The following GALK2 variants were observed in gnomAD, a reference collection of about 807,000 sequenced individuals.
GALK2 encodes the protein galactokinase 2.
Under a neutral mutation model 52.4 loss-of-function variants are expected in GALK2, and 36 were observed. The ratio of observed to expected loss-of-function variants is 0.69; its 90% CI spans 0.53 to 0.91. GALK2 has a LOEUF of 0.91. Ranked by LOEUF, GALK2 falls within the 40% of genes least tolerant of loss-of-function variation. The probability of loss-of-function intolerance (pLI) is 0.00; values close to 1 mark genes in which losing one functional copy is unlikely to be tolerated. For missense variants in GALK2, 579 were observed against 559.1 expected (o/e 1.04, Z -0.36); for synonymous variants, 176 against 199.1 (o/e 0.88, Z 0.98).
chr15:49,178,195 C>CTATATTATATA lies in GALK2; in HGVS notation c.53+7825_53+7826insTATATATATAT, dbSNP rs1555397149. 1.8e-4 allele frequency among the ~76,000 whole-genome samples: 9 copies of CTATATTATATA among 50,520 alleles called. 1 individual carries two copies. The highest frequency in any genetic ancestry group is 3.5e-5 in the Non-Finnish European group (1 of 28,848). The allele number at this position is 50,520 out of a possible 152,430, so 33.1% of individuals were successfully genotyped here. On this transcript the variant is annotated intron_variant, in intron 1 of 9. Transcript: ENST00000560031. ...AAAAAAAAAAAAAAAAAAAGAAATACTATATATATATATATATATATATAT... is the reference window on the plus strand; with the variant it reads ...AAAAAAAAAAAAAAAAAAAGAAATACTATATTATATATATATATATATATATATATATATAT...
intron 5 of GALK2, among the ~76,000 whole-genome samples, chr15:49,268,563 A>G (rs536164953): frequency 5.6e-4 from 85 of 152,324 alleles, no homozygotes; most frequent in African/African-American, 2.0e-3. Flanking sequence ...CAGGTGGTGT[A>G]ATGTAAGGAC....
intron 5 of GALK2, among the ~76,000 whole-genome samples, chr15:49,240,056 A>G (rs969590641): frequency 2.6e-5 from 4 of 152,230 alleles, no homozygotes; most frequent in African/African-American, 7.2e-5. Context: ...AGGCAGCCAC[A>G]TGCTTAGTCT....
intron 1 of GALK2, among the ~76,000 whole-genome samples, chr15:49,196,043 T>C (rs1353816779): frequency 6.6e-6 from 1 of 152,138 alleles, no homozygotes; most frequent in East Asian, 1.9e-4. Flanking sequence ...TTGTGCTTTA[T>C]CCCCCATATT....
At chr15:49,366,458 G>A (rs2045205811) in intron 3 of GALK2, 1 of 994,938 alleles carries the variant, frequency 1.0e-6, no homozygotes, top group African/African-American at 1.6e-5. Context: ...AGGAACATCA[G>A]AAAGGTTGCA....
At chr15:49,231,364 A>G (rs2090494144) in intron 3 of GALK2, among the ~76,000 whole-genome samples, 2 of 152,186 alleles carry the variant, frequency 1.3e-5, no homozygotes, top group South Asian at 2.1e-4. Context: ...CTGTGATCCA[A>G]TCACTTTCCA....
Position 49,264,401 on chromosome 15 carries a change from G to A in GALK2, c.505-17586G>A, listed in dbSNP as rs1199373668. On this transcript the variant is annotated intron_variant, in intron 5 of 9. Transcript: ENST00000560031. ...TCTGCATTCTTCACGTAGTTCTCGA[G>A]CCTTGGCTTTCAGCTCCATCAGCTC... Among the ~76,000 whole-genome samples, 4 of 152,100 alleles carry A rather than the reference G, an allele frequency of 2.6e-5. No individual in the cohort carries two copies. The East Asian group carries it at 5.8e-4, about 22-fold the overall frequency.
chr15:49,251,988 C>T (rs552407960), intron 5 of GALK2, among the ~76,000 whole-genome samples: 8 of 152,048 alleles, frequency 5.3e-5, no homozygotes, highest in East Asian at 1.9e-4. Context: ...TATATTGGCC[C>T]GGTGCGGTGC....
intron 5 of GALK2, among the ~76,000 whole-genome samples, chr15:49,264,099 G>A (rs1296755115): frequency 6.6e-6 from 1 of 151,744 alleles, no homozygotes; most frequent in Non-Finnish European, 1.5e-5. Context: ...TGGATTTCCT[G>A]AATCTGAACG....
At chr15:49,176,416 T>A (rs975401475) in intron 1 of GALK2, among the ~76,000 whole-genome samples, 1 of 152,264 alleles carries the variant, frequency 6.6e-6, no homozygotes, top group African/African-American at 2.4e-5. Flanking sequence ...TGTTCCTGGG[T>A]TGCAATCTTC....
intron 3 of GALK2, among the ~76,000 whole-genome samples, chr15:49,351,767 G>T (rs974669429): frequency 8.5e-5 from 13 of 152,208 alleles, no homozygotes; most frequent in African/African-American, 2.9e-4. Context: ...CTATAAGGGA[G>T]GTCTGAAGCT....
chr15:49,163,785 C>A (rs1405721564), intron 1 of GALK2, among the ~76,000 whole-genome samples: 4 of 152,192 alleles, frequency 2.6e-5, no homozygotes, highest in Non-Finnish European at 4.4e-5. Flanking sequence ...CTCTGAAATG[C>A]AGCATATGCC....
At chr15:49,232,842 G>A (rs1223463653) in intron 3 of GALK2, among the ~76,000 whole-genome samples, 2 of 152,130 alleles carry the variant, frequency 1.3e-5, no homozygotes, top group Admixed American at 6.5e-5. Flanking sequence ...ATTTTCATCT[G>A]AGACCTTCTT....
intron 8 of GALK2, among the ~76,000 whole-genome samples, chr15:49,299,214 T>G (rs2034750598): frequency 6.6e-6 from 1 of 152,194 alleles, no homozygotes; most frequent in Non-Finnish European, 1.5e-5. Context: ...TTTTTGTATT[T>G]CTCTGAGGTC....
chr15:49,323,764 A>G (rs1314285122), intron 9 of GALK2, among the ~76,000 whole-genome samples: 1 of 152,106 alleles, frequency 6.6e-6, no homozygotes, highest in Non-Finnish European at 1.5e-5. Context: ...TGTCTTTTTC[A>G]GTTGAACCTT....
chr15:49,326,486 A>ATGATC (rs1017892245), intron 9 of GALK2, among the ~76,000 whole-genome samples: 64 of 152,138 alleles, frequency 4.2e-4, no homozygotes, highest in African/African-American at 1.5e-3. Context: ...TCCTGACTTC[A>ATGATC]TGATCTGCCT....
At chr15:49,188,059 C>T (rs2086483726) in intron 1 of GALK2, among the ~76,000 whole-genome samples, 1 of 152,106 alleles carries the variant, frequency 6.6e-6, no homozygotes, top group Non-Finnish European at 1.5e-5. Context: ...AGGCCTATGA[C>T]AAGTACTGCC....
intron 3 of GALK2, among the ~76,000 whole-genome samples, chr15:49,358,911 C>T (rs1297698676): frequency 1.4e-5 from 2 of 146,254 alleles, no homozygotes; most frequent in Non-Finnish European, 3.1e-5. Context: ...TGGAACAGAA[C>T]AGAGCCCTCA....
chr15:49,332,706 G>A (rs1430221062), downstream of GALK2, among the ~76,000 whole-genome samples: 1 of 152,190 alleles, frequency 6.6e-6, no homozygotes, highest in African/African-American at 2.4e-5. Flanking sequence ...ATTTTTCCAT[G>A]AAATTGGCAG....
At chr15:49,218,583 G>A (rs532574913) in intron 3 of GALK2, among the ~76,000 whole-genome samples, 24 of 152,274 alleles carry the variant, frequency 1.6e-4, no homozygotes, top group African/African-American at 5.8e-4. Context: ...CTAGAGGCAG[G>A]AGGCTTGATT....
Sources: gnomAD v4.1 joint callset for allele counts (sites outside exome capture counted in the v4.1 genomes callset) on GRCh38, gnomAD v4.1.1 for gene constraint, MANE v1.5 for transcripts, NCBI Gene and HGNC (gene_info 2026-07-23, HGNC 2026-07-21) for gene names.